The following DAB1 variants were observed in gnomAD, a reference collection of about 807,000 sequenced individuals.
DAB1 encodes disabled homolog 1.
In DAB1, 15 loss-of-function variants were observed where a neutral mutation model predicts 64.6. That is an observed-to-expected ratio of 0.23 (90% CI 0.16 to 0.36). The LOEUF is 0.36. Ranked by LOEUF, DAB1 falls within the 10% of genes least tolerant of loss-of-function variation. The pLI is 1.00. For missense variants in DAB1, 596 were observed against 706.7 expected (o/e 0.84, Z 1.78); for synonymous variants, 235 against 251.9 (o/e 0.93, Z 0.64).
intron 1 of DAB1, among the ~76,000 whole-genome samples, chr1:58,538,108 T>TA (rs1646546566): frequency 6.6e-6 from 1 of 152,218 alleles, no homozygotes; most frequent in Non-Finnish European, 1.5e-5. Context: ...CATGTGGTAG[T>TA]AAGAAGGCTA....
chr1:58,246,807 C>T (rs1047259470), intron 4 of DAB1, among the ~76,000 whole-genome samples: 1 of 151,624 alleles, frequency 6.6e-6, no homozygotes, highest in Non-Finnish European at 1.5e-5. Flanking sequence ...GTAATGCGTA[C>T]GCATGTATGT....
chr1:58,116,588 G>T (rs1557656625), intron 5 of DAB1, among the ~76,000 whole-genome samples: 1 of 152,182 alleles, frequency 6.6e-6, no homozygotes, highest in Non-Finnish European at 1.5e-5. Flanking sequence ...TGGACTGTGA[G>T]TCAGAGATAG....
At chr1:57,574,859 C>G (rs1436649735) in intron 7 of DAB1, among the ~76,000 whole-genome samples, 1 of 152,208 alleles carries the variant, frequency 6.6e-6, no homozygotes, top group Non-Finnish European at 1.5e-5. Flanking sequence ...CTCCTGGAAA[C>G]ACAATCACAC....
intron 7 of DAB1, among the ~76,000 whole-genome samples, chr1:57,643,680 G>T (rs886174642): frequency 3.3e-5 from 5 of 152,110 alleles, no homozygotes; most frequent in African/African-American, 9.7e-5. Flanking sequence ...TACAAATTTA[G>T]GTTATTACTA....
At chr1:58,091,968 A>AC (rs1553159212) in intron 5 of DAB1, among the ~76,000 whole-genome samples, 139 of 151,468 alleles carry the variant, frequency 9.2e-4, no homozygotes, top group African/African-American at 3.0e-3. Flanking sequence ...ACACACACAC[A>AC]AACTAACATA....
chr1:58,231,694 C>G (rs1157415090), intron 4 of DAB1, among the ~76,000 whole-genome samples: 1 of 152,164 alleles, frequency 6.6e-6, no homozygotes, highest in Non-Finnish European at 1.5e-5. Flanking sequence ...AGTATAGAAA[C>G]AGGATTTGCT....
chr1:57,841,953 C>T (rs932210237), intron 1 of DAB1, among the ~76,000 whole-genome samples: 1 of 152,214 alleles, frequency 6.6e-6, no homozygotes, highest in South Asian at 2.1e-4. Flanking sequence ...TTTTCTACTG[C>T]ATGGTCAGGC....
At chr1:57,553,358 A>G (rs1644936686) in intron 7 of DAB1, among the ~76,000 whole-genome samples, 1 of 139,026 alleles carries the variant, frequency 7.2e-6, no homozygotes, top group Non-Finnish European at 1.5e-5. Flanking sequence ...AGAGAGAGAA[A>G]GAAAGAGAAG....
At chr1:57,872,783 T>C (rs1351705450) in intron 1 of DAB1, among the ~76,000 whole-genome samples, 4 of 152,072 alleles carry the variant, frequency 2.6e-5, no homozygotes, top group South Asian at 2.1e-4. Flanking sequence ...GGATGTTCCA[T>C]AGAGAAGGGA....
At chr1:58,323,234 T>TATAATAATAATA (rs146067591) in intron 4 of DAB1, among the ~76,000 whole-genome samples, 3 of 145,910 alleles carry the variant, frequency 2.1e-5, no homozygotes, top group Admixed American at 6.9e-5. Context: ...GAACTTAAAG[T>TATAATAATAATA]ATAATAATAA....
At chr1:57,534,509 G>A (rs1388695457) in intron 7 of DAB1, among the ~76,000 whole-genome samples, 2 of 152,194 alleles carry the variant, frequency 1.3e-5, no homozygotes, top group African/African-American at 4.8e-5. Context: ...ATTAGGCCCT[G>A]GAGGGAGCCC....
chr1:57,843,638 A>AC (rs1196604871), intron 1 of DAB1, among the ~76,000 whole-genome samples: 1 of 152,086 alleles, frequency 6.6e-6, no homozygotes, highest in Non-Finnish European at 1.5e-5. Context: ...AAGGTTAGGG[A>AC]CATATCCTAT....
In DAB1 at chr1:58,008,334, A is replaced by G. The variant is rs945789021; in HGVS notation, n.388-124172T>C. Among the ~76,000 whole-genome samples the G allele has an allele frequency of 3.3e-5, 5 of 152,160 alleles. No homozygotes were observed. The East Asian group carries it at 7.7e-4, about 23-fold the overall frequency. On this transcript the variant is annotated intron_variant and non_coding_transcript_variant, in intron 5 of 20. Coordinates refer to the DAB1 transcript ENST00000485760. ...GGTAAATAATTATAATATAGGGTAA[A>G]GGTAAAAATGGGCCAAAACACAACA...
At chr1:57,370,707 A>C (rs1420952299) in intron 1 of DAB1, among the ~76,000 whole-genome samples, 1 of 152,050 alleles carries the variant, frequency 6.6e-6, no homozygotes, top group Non-Finnish European at 1.5e-5. Context: ...AAACTAGGGC[A>C]AATTTAGCAT....
At chr1:57,693,182 C>T (rs1418414896) in intron 6 of DAB1, among the ~76,000 whole-genome samples, 1 of 152,148 alleles carries the variant, frequency 6.6e-6, no homozygotes, top group Non-Finnish European at 1.5e-5. Context: ...GAGGATACTA[C>T]AACTTCAGGG....
chr1:57,599,421 A>G (rs1570661884), intron 7 of DAB1, among the ~76,000 whole-genome samples: 1 of 148,378 alleles, frequency 6.7e-6, no homozygotes, highest in South Asian at 2.2e-4. Flanking sequence ...TGCATTTGGC[A>G]TCCTCTCCAG....
intron 1 of DAB1, among the ~76,000 whole-genome samples, chr1:57,312,802 A>T (rs1383830603): frequency 2.0e-5 from 3 of 152,148 alleles, no homozygotes; most frequent in Admixed American, 6.6e-5. Context: ...GGTGAGCAGC[A>T]GTGGAGTGTG....
At chr1:57,013,198 C>T (rs1646317985) in intron 12 of DAB1, among the ~76,000 whole-genome samples, 1 of 152,198 alleles carries the variant, frequency 6.6e-6, no homozygotes, top group South Asian at 2.1e-4. Flanking sequence ...ATAACAGTAG[C>T]TAAGTCATCT....
At chr1:57,440,637 A>C (rs1685905464) in intron 7 of DAB1, among the ~76,000 whole-genome samples, 1 of 152,198 alleles carries the variant, frequency 6.6e-6, no homozygotes, top group Non-Finnish European at 1.5e-5. Flanking sequence ...TGCTAAAGGC[A>C]AAACCGTTCA....
Sources: gnomAD v4.1 joint callset for allele counts (sites outside exome capture counted in the v4.1 genomes callset) on GRCh38, gnomAD v4.1.1 for gene constraint, MANE v1.5 for transcripts, NCBI Gene and HGNC (gene_info 2026-07-23, HGNC 2026-07-21) for gene names.